The following PTGR1 variants were observed in gnomAD, a reference collection of about 807,000 sequenced individuals.
The protein encoded by PTGR1 is 15-oxoprostaglandin 13-reductase.
In PTGR1, 23 loss-of-function variants were observed where a neutral mutation model predicts 37.7. That is an observed-to-expected ratio of 0.61 (90% confidence interval 0.44 to 0.86). The LOEUF (loss-of-function observed/expected upper bound fraction) is 0.86, where lower values mean the gene tolerates loss of function less well. PTGR1 is among the 40% of genes least tolerant of loss of function. The pLI is 0.00. For missense variants in PTGR1, 351 were observed against 394.3 expected, an observed-to-expected ratio of 0.89 and a Z score of 0.93; for synonymous variants, 134 against 140.0, an observed-to-expected ratio of 0.96 and a Z score of 0.30.
chr9:111,597,312 C>A lies in PTGR1; in HGVS notation c.106+5G>T, dbSNP rs780559185. The A allele has an allele frequency of 2.5e-6, 4 of 1,591,604 alleles. No homozygotes were observed. The highest frequency in any genetic ancestry group is 2.2e-5 in the South Asian group (2 of 90,110). On this transcript the variant is annotated splice_donor_5th_base_variant and intron_variant, in intron 2 of 9. Coordinates refer to ENST00000407693, the MANE Select transcript of PTGR1 (RefSeq NM_001146108.2). ...CAACTCTGAAATATTTTTAGTATGACTTACCTCCATTTTTTAAGGGTGGGA... is the reference window on the plus strand; with the variant it reads ...CAACTCTGAAATATTTTTAGTATGAATTACCTCCATTTTTTAAGGGTGGGA...
At chr9:111,587,693 G>A (rs1489958671) in intron 4 of PTGR1, among the ~76,000 whole-genome samples, 3 of 151,958 alleles carry the variant, frequency 2.0e-5, no homozygotes, top group Non-Finnish European at 2.9e-5. Flanking sequence ...CTCGTGATCC[G>A]TCTGCCTCAG....
Position 111,570,082 on chromosome 9 carries a change from G to A in PTGR1, c.879+9C>T, listed in dbSNP as rs1183232709. On this transcript the variant is annotated intron_variant, in intron 9 of 9. Transcript: ENST00000407693. ...TACAATTGGAAGGGGTGGCTCCGGA[G>A]CTCCTTACCTCTAAGACCCATTTCA... 1.2e-6 allele frequency: 2 copies of A among 1,614,062 alleles called. No homozygotes were observed. Among genetic ancestry groups the A allele is most frequent in the Admixed American group, 1.7e-5 (1 of 60,014 alleles).
At chr9:111,550,839 C>T (rs1827919722) in intron 9 of PTGR1, among the ~76,000 whole-genome samples, 1 of 152,000 alleles carries the variant, frequency 6.6e-6, no homozygotes. Context: ...AATATTTTTT[C>T]TCTGAGCATG....
rs150587835 is a variant in PTGR1 at position 111,552,286 on chromosome 9, CT to C, written c.880-2488del. Reference sequence around the variant, plus strand: ...GAAACAAGATCATTAGATACATTGTCTTTTTTTTTCAGAAGTTTCATAAACT... The same window carrying C: ...GAAACAAGATCATTAGATACATTGTCTTTTTTTTCAGAAGTTTCATAAACT... On this transcript the variant is annotated intron_variant, in intron 9 of 9. Transcript: ENST00000538962. 2.6e-5 allele frequency among the ~76,000 whole-genome samples: 4 copies of C among 151,140 alleles called. No homozygotes were observed. The South Asian group carries it at 8.4e-4, about 32-fold the overall frequency.
At chr9:111,560,774 T>G (rs1828259817), downstream of PTGR1, among the ~76,000 whole-genome samples, 1 of 146,832 alleles carries the variant, frequency 6.8e-6, no homozygotes, top group Admixed American at 6.8e-5. Context: ...AAACCCTATC[T>G]CTACTAAAAA....
intron 9 of PTGR1, among the ~76,000 whole-genome samples, chr9:111,552,556 C>G (rs1438015473): frequency 6.6e-6 from 1 of 152,166 alleles, no homozygotes; most frequent in East Asian, 1.9e-4. Context: ...CTGTCTCTAA[C>G]TGAAATTCTT....
intron 4 of PTGR1, among the ~76,000 whole-genome samples, chr9:111,589,106 T>C (rs759402608): frequency 3.3e-5 from 5 of 152,250 alleles, no homozygotes; most frequent in Non-Finnish European, 7.3e-5. Context: ...TATGAGTGTA[T>C]TATCTCCATT....
At chr9:111,590,803 T>TATACATAC (rs1829587245) in intron 4 of PTGR1, among the ~76,000 whole-genome samples, 1 of 152,178 alleles carries the variant, frequency 6.6e-6, no homozygotes. Flanking sequence ...GATACACACG[T>TATACATAC]ATACATACAT....
chr9:111,588,530 A>AT (rs879888012), intron 4 of PTGR1, among the ~76,000 whole-genome samples: 155 of 119,528 alleles, frequency 1.3e-3, no homozygotes, highest in East Asian at 3.5e-3. Context: ...TGCCTGGCCA[A>AT]TTTTTTTTTT....
At chr9:111,573,411 C>G (rs527606041) in intron 8 of PTGR1, among the ~76,000 whole-genome samples, 55 of 152,136 alleles carry the variant, frequency 3.6e-4, no homozygotes, top group Non-Finnish European at 6.2e-4. Flanking sequence ...CCTTTCTAGC[C>G]CCCCCATCTC....
Position 111,586,110 on chromosome 9 carries a change from G to A in PTGR1, c.265C>T (p.Pro89Ser), listed in dbSNP as rs756125495. ...GAAATGGAGTGCGTTGTCCAGCCTGGAGAAGCCAGTACAATAGTTCCTTTT... is the reference window on the plus strand; with the variant it reads ...GAAATGGAGTGCGTTGTCCAGCCTGAAGAAGCCAGTACAATAGTTCCTTTT... ...LPKGTIVLASPGWTTHSISDG... is the reference protein window; with the variant it reads ...LPKGTIVLASSGWTTHSISDG... The change falls in exon 5 of 10, where the codon CCA (proline) becomes TCA (serine). Residue 89 changes from proline (P) to serine (S), a missense_variant. Coordinates refer to ENST00000407693, the MANE Select transcript of PTGR1 (RefSeq NM_001146108.2). The A allele has an allele frequency of 5.6e-6, 9 of 1,614,168 alleles. No homozygotes were observed. The highest frequency in any genetic ancestry group is 1.3e-5 in the African/African-American group (1 of 75,034).
intron 7 of PTGR1, chr9:111,577,356 C>T (rs375353529): frequency 2.6e-4 from 39 of 152,244 alleles, no homozygotes; most frequent in African/African-American, 7.2e-4. Context: ...TCATACACTG[C>T]TTGTGGGAAT....
At chr9:111,592,691 A>G (rs1235236935) in intron 4 of PTGR1, 3 of 440,902 alleles carry the variant, frequency 6.8e-6, no homozygotes, top group Non-Finnish European at 1.2e-5. Flanking sequence ...TTTTTTTTTT[A>G]GTAATTAAAA....
At chr9:111,587,948 C>CT (rs1829487957) in intron 4 of PTGR1, among the ~76,000 whole-genome samples, 1 of 150,574 alleles carries the variant, frequency 6.6e-6, no homozygotes, top group African/African-American at 2.4e-5. Context: ...TATTTTTTTC[C>CT]TTTTTTCTGA....
chr9:111,566,395 G>GC (rs1306710147), intron 9 of PTGR1, among the ~76,000 whole-genome samples: 2 of 152,202 alleles, frequency 1.3e-5, no homozygotes, highest in Admixed American at 1.3e-4. Flanking sequence ...GCCCGGCACT[G>GC]CAAGTGCTAT....
intron 4 of PTGR1, among the ~76,000 whole-genome samples, chr9:111,588,471 C>A (rs1829508874): frequency 6.6e-6 from 1 of 151,992 alleles, no homozygotes; most frequent in South Asian, 2.1e-4. Context: ...ACCTTGTGAT[C>A]TGCCCGCCTC....
chr9:111,564,286 AT>A, intron 9 of PTGR1: 1 of 490,118 alleles, frequency 2.0e-6, no homozygotes, highest in Non-Finnish European at 2.7e-6. Flanking sequence ...TTTTATTATT[AT>A]TATTATTATT....
chr9:111,597,959 G>C (rs543505269), intron 1 of PTGR1, among the ~76,000 whole-genome samples: 17 of 151,256 alleles, frequency 1.1e-4, no homozygotes, highest in African/African-American at 4.1e-4. Context: ...GAAAACCACC[G>C]GAGGGCGCCG....
chr9:111,560,692 C>T (rs1301847259), downstream of PTGR1, among the ~76,000 whole-genome samples: 4 of 146,342 alleles, frequency 2.7e-5, no homozygotes, highest in African/African-American at 1.0e-4. Context: ...GCGTGTAATC[C>T]CAGCACTTTG....
Sources: gnomAD v4.1 joint callset for allele counts (sites outside exome capture counted in the v4.1 genomes callset) on GRCh38, gnomAD v4.1.1 for gene constraint, MANE v1.5 for transcripts, NCBI Gene and HGNC (gene_info 2026-07-23, HGNC 2026-07-21) for gene names.